Variants in PSD3 observed in about 807,000 individuals in gnomAD.
PSD3 encodes pleckstrin and Sec7 domain containing 3.
Under a neutral mutation model 105.5 loss-of-function variants are expected in PSD3, and 49 were observed. The observed-to-expected ratio is 0.46, with a 90% CI of 0.37 to 0.59. The LOEUF is 0.59. Ranked by LOEUF, PSD3 falls within the 20% of genes least tolerant of loss-of-function variation. The pLI, the probability that PSD3 is intolerant of heterozygous loss-of-function variation, is 0.00. For missense variants in PSD3, 1,561 were observed against 1,263.8 expected, an observed-to-expected ratio of 1.24 and a Z score of -3.57; for synonymous variants, 557 against 457.8, an observed-to-expected ratio of 1.22 and a Z score of -2.77.
At chr8:18,730,778 T>C (rs1477391874) in intron 9 of PSD3, among the ~76,000 whole-genome samples, 1 of 152,172 alleles carries the variant, frequency 6.6e-6, no homozygotes, top group African/African-American at 2.4e-5. Context: ...TTTAAGATTC[T>C]GTGGGCACTG....
chr8:18,911,111 A>G (rs1005329218), intron 2 of PSD3, among the ~76,000 whole-genome samples: 5 of 152,116 alleles, frequency 3.3e-5, no homozygotes, highest in African/African-American at 1.2e-4. Context: ...ATGTCAATCA[A>G]TCAGTCAACC....
intron 9 of PSD3, among the ~76,000 whole-genome samples, chr8:18,729,878 C>T (rs866368917): frequency 3.9e-5 from 6 of 152,156 alleles, no homozygotes; most frequent in Non-Finnish European, 5.9e-5. Context: ...CTCTTACCAA[C>T]GTTGCTACAA....
intron 11 of PSD3, among the ~76,000 whole-genome samples, chr8:18,613,515 T>A (rs1462091273): frequency 1.3e-5 from 2 of 152,006 alleles, no homozygotes; most frequent in Non-Finnish European, 2.9e-5. Context: ...GAGCCTAATC[T>A]TTCCTGGTCG....
chr8:19,010,625 C>T (rs1004433157), intron 1 of PSD3, among the ~76,000 whole-genome samples: 1 of 152,100 alleles, frequency 6.6e-6, no homozygotes, highest in East Asian at 1.9e-4. Flanking sequence ...AGATGGTCAA[C>T]GTAACTCAGA....
At chr8:18,979,003 G>A (rs1053539246) in intron 1 of PSD3, among the ~76,000 whole-genome samples, 5 of 152,104 alleles carry the variant, frequency 3.3e-5, no homozygotes, top group African/African-American at 1.2e-4. Context: ...GTTCCTTCTG[G>A]AGTTCGCTAT....
intron 8 of PSD3, among the ~76,000 whole-genome samples, chr8:18,787,673 G>T (rs546438799): frequency 1.3e-5 from 2 of 152,054 alleles, no homozygotes; most frequent in Non-Finnish European, 2.9e-5. Flanking sequence ...TCTCTGCAGC[G>T]ACAATATTAC....
intron 2 of PSD3, among the ~76,000 whole-genome samples, chr8:18,881,980 G>C (rs375911354): frequency 1.3e-5 from 2 of 152,180 alleles, no homozygotes; most frequent in African/African-American, 4.8e-5. Context: ...GCTTGAGGCA[G>C]GAGGTTCACT....
At chr8:18,574,694 T>A (rs1040570535) in intron 13 of PSD3, among the ~76,000 whole-genome samples, 3 of 152,208 alleles carry the variant, frequency 2.0e-5, no homozygotes, top group African/African-American at 4.8e-5. Flanking sequence ...CTTATCTCAC[T>A]GACTTCTCAC....
At chr8:18,938,791 T>C (rs974607504) in intron 1 of PSD3, among the ~76,000 whole-genome samples, 1 of 152,104 alleles carries the variant, frequency 6.6e-6, no homozygotes, top group Admixed American at 6.5e-5. Context: ...CCCCATCTTA[T>C]AGGTGGAAAA....
chr8:18,857,876 G>A (rs576917298), intron 4 of PSD3, among the ~76,000 whole-genome samples: 27 of 152,304 alleles, frequency 1.8e-4, no homozygotes, highest in Non-Finnish European at 1.3e-4. Flanking sequence ...TTTAGATTCA[G>A]AGACCAGTAG....
chr8:18,744,902 A>T (rs1804881869), intron 9 of PSD3, among the ~76,000 whole-genome samples: 1 of 152,100 alleles, frequency 6.6e-6, no homozygotes, highest in African/African-American at 2.4e-5. Context: ...CTTGTCTTTT[A>T]TGACCTCGAC....
chr8:19,037,848 T>C (rs1345997771), intron 1 of PSD3, among the ~76,000 whole-genome samples: 5 of 151,870 alleles, frequency 3.3e-5, no homozygotes, highest in African/African-American at 1.2e-4. Context: ...TGAGACTTTT[T>C]GGCCTCCATA....
chr8:18,684,249 CA>C lies in PSD3; in HGVS notation c.2173-28565del, dbSNP rs1265849209. 5.5e-3 allele frequency: 1,047 copies of C among 188,808 alleles called. 7 individuals are homozygous for C. The highest frequency in any genetic ancestry group is 0.015 in the South Asian group (90 of 5,854). 11.7% of individuals were successfully genotyped at this position (188,808 alleles called of 1,614,324 possible). ...ACACACACACACACACACACACACACACCCCATCATATTCACACACTGGAAC... is the reference window on the plus strand; with the variant it reads ...ACACACACACACACACACACACACACCCCCATCATATTCACACACTGGAAC... On this transcript the variant is annotated intron_variant, in intron 9 of 15. Coordinates refer to ENST00000327040, the MANE Select transcript of PSD3 (RefSeq NM_015310.4).
intron 9 of PSD3, among the ~76,000 whole-genome samples, chr8:18,731,026 C>A (rs558390158): frequency 6.6e-6 from 1 of 151,632 alleles, no homozygotes; most frequent in East Asian, 1.9e-4. Flanking sequence ...AAATTCACCC[C>A]TTTACCTCCC....
At chr8:18,780,793 A>T (rs980781928) in intron 8 of PSD3, among the ~76,000 whole-genome samples, 31 of 152,184 alleles carry the variant, frequency 2.0e-4, no homozygotes, top group African/African-American at 7.5e-4. Flanking sequence ...TGACCTCATG[A>T]TCCGCCTGCC....
rs747450302 is a variant in PSD3, at chr8:18,867,861, G to T, written c.1447C>A (p.Gln483Lys). ...TGACCACCTTCTTTAATGCGCTGTTGTATCATTGGAGTGAGGGGCATTTCA... is the reference window on the plus strand; with the variant it reads ...TGACCACCTTCTTTAATGCGCTGTTTTATCATTGGAGTGAGGGGCATTTCA... ...SFEMPLTPMI[Q>K]QRIKEGGQFL... The change falls in exon 4 of 16, where the codon CAA becomes AAA. Residue 483 changes from glutamine (Q) to lysine (K), a missense_variant. Coordinates refer to ENST00000327040, the MANE Select transcript of PSD3 (RefSeq NM_015310.4). 4.3e-6 allele frequency: 7 copies of T among 1,614,052 alleles called. No homozygotes were observed. The East Asian group carries it at 1.6e-4, about 36-fold the overall frequency.
In PSD3 at chr8:18,988,059, G is replaced by C. The variant is rs374452623; in HGVS notation, c.21+25504C>G. Among the ~76,000 whole-genome samples, 18 of 152,102 alleles carry C rather than the reference G, an allele frequency of 1.2e-4. No homozygotes were observed. In the East Asian group the frequency reaches 1.7e-3, roughly 15 times the overall value. ...ATACTTGAATCCCTTGCATTTAATA[G>C]TGCTTGGCACAAAGTAAGCACCAAT... On this transcript the variant is annotated intron_variant, in intron 1 of 15. Transcript: ENST00000327040.
chr8:18,787,486 G>A (rs1809278045), intron 8 of PSD3, among the ~76,000 whole-genome samples: 1 of 152,008 alleles, frequency 6.6e-6, no homozygotes, highest in African/African-American at 2.4e-5. Flanking sequence ...CAAAATAGAT[G>A]ACAAAGTGGA....
At chr8:18,933,826 A>G (rs1821902859) in intron 2 of PSD3, among the ~76,000 whole-genome samples, 1 of 152,196 alleles carries the variant, frequency 6.6e-6, no homozygotes, top group Admixed American at 6.5e-5. Context: ...TGTCAGGGAA[A>G]GAGTAAACAG....
Sources: allele counts gnomAD v4.1 joint callset (sites outside exome capture counted in the v4.1 genomes callset), GRCh38; gene constraint gnomAD v4.1.1; transcripts MANE v1.5; gene names NCBI Gene and HGNC (gene_info 2026-07-23, HGNC 2026-07-21).